Variants in ZNF727 observed in about 807,000 individuals in gnomAD.
The protein encoded by ZNF727 is zinc finger protein 727.
A neutral mutation model predicts 11.5 loss-of-function variants in ZNF727; 11 were observed. That is an observed-to-expected ratio of 0.95 (90% CI 0.60 to 1.58). The LOEUF is 1.58. Ranked by LOEUF, ZNF727 falls within the 40% of genes most tolerant of loss-of-function variation. The probability of loss-of-function intolerance (pLI) is 0.00; values close to 1 mark genes in which losing one functional copy is unlikely to be tolerated. For missense variants in ZNF727, 533 were observed against 581.7 expected (o/e 0.92, Z 0.86); for synonymous variants, 171 against 196.1 (o/e 0.87, Z 1.07).
chr7:64,080,148 G>A lies in ZNF727; in HGVS notation c.*1599G>A, dbSNP rs187057484. On this transcript the variant is annotated 3_prime_UTR_variant, in exon 4 of 4. Transcript: ENST00000456806. ...TATGTATCTTGGGGATGACCTTCTC[G>A]TGGGGTATATTATTGGGGTTCTCCA... 2.2e-3 allele frequency among the ~76,000 whole-genome samples: 334 copies of A among 152,064 alleles called. No homozygotes were observed. Among genetic ancestry groups the A allele is most frequent in the Non-Finnish European group, 3.8e-3 (256 of 67,990 alleles).
intron 1 of ZNF727, among the ~76,000 whole-genome samples, chr7:64,052,146 G>A (rs1299952146): frequency 6.6e-6 from 1 of 152,162 alleles, no homozygotes; most frequent in Admixed American, 6.5e-5. Flanking sequence ...CTGTGTATGA[G>A]CATCACTCCT....
In ZNF727 at chr7:64,083,849, T is replaced by A. The variant is rs1462856157; in HGVS notation, c.*5300T>A. On this transcript the variant is annotated 3_prime_UTR_variant, in exon 4 of 4. Transcript: ENST00000456806. ...CAATGCAAGTACCTGGATGTTTCAG[T>A]TGAAGGTGCTGTATCTATGCACACC... Among the ~76,000 whole-genome samples the A allele has an allele frequency of 6.6e-6, 1 of 152,222 alleles. No individual in the cohort carries two copies. Among genetic ancestry groups the A allele is most frequent in the Non-Finnish European group, 1.5e-5 (1 of 68,034 alleles).
chr7:64,055,675 G>C (rs1395858160), intron 1 of ZNF727, among the ~76,000 whole-genome samples: 1 of 152,086 alleles, frequency 6.6e-6, no homozygotes, highest in African/African-American at 2.4e-5. Flanking sequence ...TGTCCTCAAG[G>C]TTCAGCATGT....
intron 1 of ZNF727, among the ~76,000 whole-genome samples, chr7:64,055,416 C>CA (rs33991395): frequency 0.019 from 2,866 of 147,328 alleles, 81 homozygotes; most frequent in East Asian, 0.1. Flanking sequence ...GACTTCATCT[C>CA]AAAAAAAAAA....
At chr7:64,054,698 C>T (rs1356749670) in intron 1 of ZNF727, among the ~76,000 whole-genome samples, 4 of 152,260 alleles carry the variant, frequency 2.6e-5, no homozygotes, top group African/African-American at 7.2e-5. Context: ...CTGTTTTTTA[C>T]AGCATCACTG....
chr7:64,065,381 T>C (rs1595621), intron 1 of ZNF727, among the ~76,000 whole-genome samples: 98,451 of 151,996 alleles, frequency 0.65, 32,324 homozygotes, highest in Admixed American at 0.72. Context: ...GGGAAACTCA[T>C]ATTTTGGTTT....
In ZNF727 at chr7:64,078,002, G is replaced by C; in HGVS notation, c.953G>C (p.Gly318Ala). The change falls in exon 4 of 4, where the codon GGA (glycine) becomes GCA (alanine). Residue 318 changes from glycine to alanine, a missense_variant. Physicochemically the swap from Gly to Ala is moderately conservative, Grantham distance 60. Coordinates refer to ENST00000456806, the MANE Select transcript of ZNF727 (RefSeq NM_001159522.3). ...AAACCCTACAAATGTAATGAATGTG[G>C]AAAAGCTTTTATGTGGATCTCGGCC... is the stretch of plus-strand genomic sequence containing the variant. ...GEKPYKCNEC[G>A]KAFMWISALS... The C allele has an allele frequency of 6.2e-7, 1 of 1,605,106 alleles. No homozygotes were observed. Among genetic ancestry groups the C allele is most frequent in the Non-Finnish European group, 8.5e-7 (1 of 1,175,526 alleles).
chr7:64,057,462 A>C (rs1226623567), intron 1 of ZNF727, among the ~76,000 whole-genome samples: 2 of 152,142 alleles, frequency 1.3e-5, no homozygotes, highest in Admixed American at 6.6e-5. Context: ...AGGAAGAGAA[A>C]ACCAAACACT....
Position 64,045,769 on chromosome 7 carries a change from C to A in ZNF727, c.3+145C>A, listed in dbSNP as rs117963191. 1,374 of 1,077,066 alleles carry A rather than the reference C, an allele frequency of 1.3e-3. 21 individuals are homozygous for A. In the East Asian group the frequency reaches 0.032, roughly 25 times the overall value. 66.7% of individuals were successfully genotyped at this position (1,077,066 alleles called of 1,614,324 possible). A position where few individuals can be genotyped will look rare whatever the true frequency, so the allele number is the denominator to read the frequency against. On this transcript the variant is annotated intron_variant, in intron 1 of 3. Coordinates refer to ENST00000456806, the MANE Select transcript of ZNF727 (RefSeq NM_001159522.3). ...GGCACAGTTCAGTCCTCACTTCCCTCCGTCGCAGATTAGGAGCTGAGCCTG... is the reference window on the plus strand; with the variant it reads ...GGCACAGTTCAGTCCTCACTTCCCTACGTCGCAGATTAGGAGCTGAGCCTG...
rs529470701 is a variant in ZNF727 at position 64,081,588 on chromosome 7, G to A, written c.*3039G>A. On this transcript the variant is annotated 3_prime_UTR_variant, in exon 4 of 4. Coordinates refer to ENST00000456806, the MANE Select transcript of ZNF727 (RefSeq NM_001159522.3). ...CCTTGCCGGAGCTCTTCATGGGTCA[G>A]GCATGGCCCACCAGTGCAGATGCTA... is the stretch of plus-strand genomic sequence containing the variant. 3.9e-5 allele frequency among the ~76,000 whole-genome samples: 6 copies of A among 152,262 alleles called. No homozygotes were observed. In the South Asian group the frequency reaches 1.2e-3, roughly 32 times the overall value.
rs111855691 is a variant in ZNF727, at chr7:64,082,747, C to T, written c.*4198C>T. On this transcript the variant is annotated 3_prime_UTR_variant, in exon 4 of 4. Coordinates refer to ENST00000456806, the MANE Select transcript of ZNF727 (RefSeq NM_001159522.3). ...AAAAAAGAAAATTAGCCAGGTGTGGCGGCATGCACCAGTAGTCTCAGCTAA... is the reference window on the plus strand; with the variant it reads ...AAAAAAGAAAATTAGCCAGGTGTGGTGGCATGCACCAGTAGTCTCAGCTAA... 0.027 allele frequency among the ~76,000 whole-genome samples: 4,079 copies of T among 152,134 alleles called. 190 individuals carry two copies. The highest frequency in any genetic ancestry group is 0.18 in the East Asian group (905 of 5,156).
At chr7:64,061,102 C>G (rs1181774735) in intron 1 of ZNF727, among the ~76,000 whole-genome samples, 2 of 152,026 alleles carry the variant, frequency 1.3e-5, no homozygotes, top group South Asian at 2.1e-4. Flanking sequence ...TATGGTCTAT[C>G]CTTGAGAATA....
chr7:64,065,224 G>A (rs1332754142), intron 1 of ZNF727, among the ~76,000 whole-genome samples: 1 of 152,100 alleles, frequency 6.6e-6, no homozygotes, highest in East Asian at 1.9e-4. Flanking sequence ...TTCACGAGAG[G>A]TGAGTTTAGT....
rs764433514 is a variant in ZNF727 at position 64,083,977 on chromosome 7, C to T, written c.*5428C>T. ...AAATATTGATGTAATTTAACTCTTACATTTGATGCTATGTCTTCATTCTAG... is the reference window on the plus strand; with the variant it reads ...AAATATTGATGTAATTTAACTCTTATATTTGATGCTATGTCTTCATTCTAG... On this transcript the variant is annotated 3_prime_UTR_variant, in exon 4 of 4. Transcript: ENST00000456806. Among the ~76,000 whole-genome samples the T allele has an allele frequency of 6.6e-6, 1 of 152,162 alleles. No homozygotes were observed. Among genetic ancestry groups the T allele is most frequent in the African/African-American group, 2.4e-5 (1 of 41,416 alleles).
intron 1 of ZNF727, among the ~76,000 whole-genome samples, chr7:64,059,948 C>T (rs1789745116): frequency 1.3e-5 from 2 of 151,986 alleles, no homozygotes; most frequent in African/African-American, 4.8e-5. Flanking sequence ...GACCTGGAAA[C>T]CATTGCTTTG....
rs78498283 is a variant in ZNF727, at chr7:64,079,713, T to A, written c.*1164T>A. Among the ~76,000 whole-genome samples, 4,084 of 152,286 alleles carry A rather than the reference T, an allele frequency of 0.027. 193 individuals are homozygous for A. The highest frequency in any genetic ancestry group is 0.18 in the East Asian group (909 of 5,166). On this transcript the variant is annotated 3_prime_UTR_variant, in exon 4 of 4. Coordinates refer to ENST00000456806, the MANE Select transcript of ZNF727 (RefSeq NM_001159522.3). ...TTGATTCTGTCATGATCATCTTAGC[T>A]GGCTATTTTGCACATTTGTTTATGT...
chr7:64,049,728 T>C (rs1789561644), intron 1 of ZNF727, among the ~76,000 whole-genome samples: 1 of 151,538 alleles, frequency 6.6e-6, no homozygotes, highest in African/African-American at 2.4e-5. Flanking sequence ...CTTAAACTTA[T>C]ATTTAAAAAT....
chr7:64,060,462 C>CTT (rs1789752543), intron 1 of ZNF727, among the ~76,000 whole-genome samples: 1 of 152,134 alleles, frequency 6.6e-6, no homozygotes, highest in South Asian at 2.1e-4. Flanking sequence ...TACACAGTCC[C>CTT]TTCCAGAGCA....
intron 1 of ZNF727, among the ~76,000 whole-genome samples, chr7:64,062,608 A>G (rs760715369): frequency 1.1e-4 from 16 of 146,392 alleles, no homozygotes; most frequent in Non-Finnish European, 2.4e-4. Flanking sequence ...GACCTTTGAA[A>G]GTTTTATTAT....
Sources: gnomAD v4.1 joint callset for allele counts (sites outside exome capture counted in the v4.1 genomes callset) on GRCh38, gnomAD v4.1.1 for gene constraint, MANE v1.5 for transcripts, NCBI Gene and HGNC (gene_info 2026-07-23, HGNC 2026-07-21) for gene names.